ERAP1: variants seen among roughly 807,000 people sequenced by gnomAD.
ERAP1 encodes the protein adipocyte-derived leucine aminopeptidase.
ERAP1 carries 86 observed loss-of-function variants against 103.7 expected under a neutral mutation model. The ratio of observed to expected loss-of-function variants is 0.83; its 90% confidence interval spans 0.70 to 0.99. The LOEUF is 0.99. ERAP1 is among the 50% of genes least tolerant of loss of function. The pLI is 0.00. For missense variants in ERAP1, 1,009 were observed against 1,128.4 expected (o/e 0.89, Z 1.52); for synonymous variants, 398 against 402.4 (o/e 0.99, Z 0.13).
At chr5:96,919,004 T>C in the ERAP1 span, 1 of 152,220 alleles carries the variant, frequency 6.6e-6, no homozygotes, top group African/African-American at 2.4e-5. Context: ...TACATACAGA[T>C]AGTAAACTTA....
the ERAP1 span, among the ~76,000 whole-genome samples, chr5:96,881,768 G>A: frequency 6.6e-6 from 1 of 152,086 alleles, no homozygotes. Flanking sequence ...AGGAAGAAGG[G>A]GGACACGGGG....
In ERAP1 at chr5:96,803,640, T is replaced by C. The variant is rs1778233993; in HGVS notation, c.287A>G (p.His96Arg). 8.1e-6 allele frequency: 13 copies of C among 1,614,108 alleles called. No individual in the cohort carries two copies. Among genetic ancestry groups the C allele is most frequent in the Non-Finnish European group, 1.1e-5 (13 of 1,180,054 alleles). Reference protein sequence around the residue: ...ASQPTSTIILHSHHLQISRAT... With the variant: ...ASQPTSTIILRSHHLQISRAT... ...CCTAGATATCTGCAGGTGGTGACTA[T>C]GCAGGATGATGGTGCTGGTGGGCTG... Residue 96 changes from histidine to arginine, a missense_variant, in exon 2 of 19, where the codon CAT becomes CGT. By Grantham distance (29) the His-to-Arg change is conservative. Transcript: ENST00000443439.
the ERAP1 span, among the ~76,000 whole-genome samples, chr5:96,900,697 G>C: frequency 6.6e-6 from 1 of 152,026 alleles, no homozygotes; most frequent in Non-Finnish European, 1.5e-5. Context: ...ATTTATTTTA[G>C]ACAAAGTCTC....
At chr5:96,904,307 G>A in the ERAP1 span, among the ~76,000 whole-genome samples, 4 of 152,308 alleles carry the variant, frequency 2.6e-5, no homozygotes, top group Admixed American at 2.6e-4. Flanking sequence ...TGAGGACCAG[G>A]AAGTATATTG....
the ERAP1 span, among the ~76,000 whole-genome samples, chr5:96,920,714 T>C: frequency 6.6e-6 from 1 of 152,224 alleles, no homozygotes; most frequent in Non-Finnish European, 1.5e-5. Context: ...TTTCAACATA[T>C]AGTGGTTTAC....
At chr5:96,873,491 T>C in the ERAP1 span, 5 of 454,826 alleles carry the variant, frequency 1.1e-5, no homozygotes, top group Non-Finnish European at 2.2e-5. Context: ...ACTTCCAAAG[T>C]GGCTTCTTGG....
rs759046617 is a variant in ERAP1, at chr5:96,783,949, A to G, written c.2075T>C (p.Met692Thr). ...CTTGAATTGAGTTTCCACTTCATTC[A>G]TATCTCTTTTCTCCATTAACTTATA... ...PMYKLMEKRD[M>T]NEVETQFKAF... The change falls in exon 14 of 19, where the codon ATG becomes ACG. Residue 692 changes from methionine (M) to threonine (T), a missense_variant. By Grantham distance (81) the Met-to-Thr change is moderately conservative (BLOSUM62 -1). Around this residue, in one of 3 missense-constraint regions of ERAP1, gnomAD observed 611 missense variants for 651.7 expected, o/e 0.94. Coordinates refer to ENST00000443439, the MANE Select transcript of ERAP1 (RefSeq NM_001040458.3). 1.9e-6 allele frequency: 3 copies of G among 1,613,676 alleles called. No homozygotes were observed. Among genetic ancestry groups the G allele is most frequent in the South Asian group, 2.2e-5 (2 of 91,040 alleles).
In ERAP1 at chr5:96,783,886, C is replaced by T. The variant is rs555479654; in HGVS notation, c.2100+38G>A. ...ACACAATGATTAACACTTTTTAACA[C>T]AAATAATAATTACATAACTTTTATT... On this transcript the variant is annotated intron_variant, in intron 14 of 18. Coordinates refer to ENST00000443439, the MANE Select transcript of ERAP1 (RefSeq NM_001040458.3). 5.8e-5 allele frequency: 88 copies of T among 1,522,702 alleles called. No individual in the cohort carries two copies. In the East Asian group the frequency reaches 6.8e-4, roughly 12 times the overall value. 94.3% of individuals were successfully genotyped at this position (1,522,702 alleles called of 1,614,324 possible).
At chr5:96,883,977 C>T in the ERAP1 span, 840 of 1,525,482 alleles carry the variant, frequency 5.5e-4, 8 homozygotes, top group South Asian at 9.9e-3. Context: ...CAAGTTGAGA[C>T]TCAGTCTTCG....
the ERAP1 span, chr5:96,917,770 G>A: frequency 2.8e-5 from 12 of 429,604 alleles, no homozygotes; most frequent in African/African-American, 2.5e-4. Flanking sequence ...GCCGGGCATG[G>A]TGGCAGGTGC....
At chr5:96,795,760 C>T (rs906097509) in intron 4 of ERAP1, among the ~76,000 whole-genome samples, 3 of 152,222 alleles carry the variant, frequency 2.0e-5, no homozygotes, top group African/African-American at 7.2e-5. Flanking sequence ...TACAATTTCT[C>T]TCTGGAATAA....
the ERAP1 span, among the ~76,000 whole-genome samples, chr5:96,906,260 CTCT>C: frequency 1.3e-5 from 2 of 151,366 alleles, no homozygotes; most frequent in Non-Finnish European, 2.9e-5. Context: ...CTACTTCTTC[CTCT>C]TCTTCTTCTT....
the ERAP1 span, chr5:96,879,558 T>G: frequency 9.0e-6 from 6 of 670,018 alleles, no homozygotes; most frequent in South Asian, 1.3e-4. Flanking sequence ...TGTTTTTTTC[T>G]TCTAGATTAA....
chr5:96,903,883 C>A, the ERAP1 span, among the ~76,000 whole-genome samples: 3 of 152,104 alleles, frequency 2.0e-5, no homozygotes, highest in Non-Finnish European at 4.4e-5. Context: ...GTGCAGTGGG[C>A]CAAACTCTCT....
the ERAP1 span, among the ~76,000 whole-genome samples, chr5:96,828,908 A>T: frequency 6.6e-6 from 1 of 151,960 alleles, no homozygotes; most frequent in Non-Finnish European, 1.5e-5. Flanking sequence ...GTGCAGTGGC[A>T]CAATCTCGGC....
rs1450121414 is a variant in ERAP1 at position 96,803,383 on chromosome 5, A to G, written c.524+20T>C. 6.2e-7 allele frequency: 1 copy of G among 1,610,942 alleles called. No individual in the cohort carries two copies. Among genetic ancestry groups the G allele is most frequent in the African/African-American group, 1.3e-5 (1 of 74,682 alleles). On this transcript the variant is annotated intron_variant, in intron 2 of 18. Coordinates refer to ENST00000443439, the MANE Select transcript of ERAP1 (RefSeq NM_001040458.3). The stretch of plus-strand genomic sequence containing the variant: ...GTGGGCAGCACTTGCAGTTTAAAAG[A>G]AAAAGAGAAAAAAAAATACCTCAGT...
At chr5:96,798,579 A>ACC (rs1187608587) in intron 3 of ERAP1, among the ~76,000 whole-genome samples, 11 of 77,330 alleles carry the variant, frequency 1.4e-4, no homozygotes, top group Non-Finnish European at 3.7e-4. Context: ...CTCTGACCTC[A>ACC]TCTTTTTTTT....
chr5:96,898,929 C>T, the ERAP1 span, among the ~76,000 whole-genome samples: 1 of 152,226 alleles, frequency 6.6e-6, no homozygotes, highest in South Asian at 2.1e-4. Flanking sequence ...TGTGTGTGTG[C>T]ATGTATGTAT....
the ERAP1 span, chr5:96,879,443 G>A: frequency 4.7e-6 from 2 of 422,000 alleles, no homozygotes; most frequent in Non-Finnish European, 8.5e-6. Flanking sequence ...GTGGATACTT[G>A]GCCTAATTCT....
Sources: allele counts gnomAD v4.1 joint callset (sites outside exome capture counted in the v4.1 genomes callset), GRCh38; gene constraint gnomAD v4.1.1; regional missense constraint gnomAD v4.1.1; transcripts MANE v1.5; gene names NCBI Gene and HGNC (gene_info 2026-07-23, HGNC 2026-07-21).